The following TLK2 variants were observed in gnomAD, a reference collection of about 807,000 sequenced individuals.
TLK2 encodes the protein serine/threonine-protein kinase tousled-like 2.
Under a neutral mutation model 117.3 loss-of-function variants are expected in TLK2, and 6 were observed. The ratio of observed to expected loss-of-function variants is 0.05; its 90% CI spans 0.03 to 0.10. The LOEUF (loss-of-function observed/expected upper bound fraction) is 0.10. Among genes scored for constraint, TLK2 ranks in the 10% least tolerant of loss-of-function variants. TLK2 has a pLI of 1.00. For synonymous variants in TLK2, 257 were observed against 316.7 expected, an observed-to-expected ratio of 0.81 and a Z score of 2.00; for missense variants, 299 against 901.2, an observed-to-expected ratio of 0.33 and a Z score of 8.56.
At chr17:62,474,314 G>A (rs568794578), upstream of TLK2, among the ~76,000 whole-genome samples, 20 of 151,976 alleles carry the variant, frequency 1.3e-4, no homozygotes, top group African/African-American at 4.8e-4. Context: ...TCCTGACCTC[G>A]TGATTCACCC....
chr17:62,607,877 C>G lies in TLK2; in HGVS notation c.1972-164C>G, dbSNP rs1417846687. ...TACATATGCTCTGAGCTCTCAACCC[C>G]TTTTATCTATAAAGTGAGAGAACTA... is the stretch of plus-strand genomic sequence containing the variant. On this transcript the variant is annotated intron_variant, in intron 20 of 21. Transcript: ENST00000346027. Among the ~76,000 whole-genome samples the G allele has an allele frequency of 2.0e-5, 3 of 152,164 alleles. No homozygotes were observed. In the East Asian group the frequency reaches 5.8e-4, roughly 29 times the overall value.
At chr17:62,542,229 G>A (rs1164484273) in intron 7 of TLK2, among the ~76,000 whole-genome samples, 1 of 152,182 alleles carries the variant, frequency 6.6e-6, no homozygotes, top group Non-Finnish European at 1.5e-5. Flanking sequence ...AACAGTTTGT[G>A]TTTTGGATTT....
At chr17:62,472,852 A>G (rs1035265062) in intron 1 of TLK2, among the ~76,000 whole-genome samples, 2 of 152,142 alleles carry the variant, frequency 1.3e-5, no homozygotes, top group African/African-American at 4.8e-5. Flanking sequence ...ATCAGGACCA[A>G]TTGATTTTGC....
chr17:62,538,436 C>G (rs1427610760), intron 7 of TLK2, among the ~76,000 whole-genome samples: 1 of 152,140 alleles, frequency 6.6e-6, no homozygotes, highest in East Asian at 1.9e-4. Flanking sequence ...AAAATGACCT[C>G]TTTTTCACTT....
At chr17:62,497,466 C>A (rs924958951) in intron 2 of TLK2, among the ~76,000 whole-genome samples, 3 of 152,302 alleles carry the variant, frequency 2.0e-5, no homozygotes, top group Admixed American at 6.5e-5. Context: ...TGGACTAAAT[C>A]TAATTCCCAA....
chr17:62,590,989 T>C lies in TLK2; in HGVS notation c.1460+4763T>C, dbSNP rs1221594741. On this transcript the variant is annotated intron_variant, in intron 16 of 21. Coordinates refer to ENST00000346027, the MANE Select transcript of TLK2 (RefSeq NM_006852.6). ...AATCTGGGCAGGGCGTAGTGGTCCA[T>C]ACCTGTGATCCCAGCACTTTGGGAG... 2.0e-5 allele frequency among the ~76,000 whole-genome samples: 3 copies of C among 152,198 alleles called. No homozygotes were observed. In the East Asian group the frequency reaches 5.8e-4, roughly 29 times the overall value.
Position 62,608,164 on chromosome 17 carries a change from C to T in TLK2, c.2079+16C>T. ...TGAAGCAAAGGTAAGTTTTGTTTGA[C>T]CCATTGGCCAACAGAAACGGCTGCT... is the stretch of plus-strand genomic sequence containing the variant. On this transcript the variant is annotated intron_variant, in intron 21 of 21. Coordinates refer to ENST00000346027, the MANE Select transcript of TLK2 (RefSeq NM_006852.6). 1 of 1,602,592 alleles carries T rather than the reference C, an allele frequency of 6.2e-7. No individual in the cohort carries two copies. Among genetic ancestry groups the T allele is most frequent in the Non-Finnish European group, 8.5e-7 (1 of 1,173,932 alleles).
intron 16 of TLK2, among the ~76,000 whole-genome samples, chr17:62,595,678 A>G (rs1319120138): frequency 6.6e-6 from 1 of 151,746 alleles, no homozygotes; most frequent in African/African-American, 2.4e-5. Context: ...GGATGACTGT[A>G]TCAAATTCGC....
chr17:62,534,752 A>G (rs1405790280), intron 6 of TLK2, among the ~76,000 whole-genome samples: 1 of 151,898 alleles, frequency 6.6e-6, no homozygotes, highest in Non-Finnish European at 1.5e-5. Flanking sequence ...GTTTAATATG[A>G]GAATGTGTTA....
intron 15 of TLK2, among the ~76,000 whole-genome samples, chr17:62,581,776 A>G (rs935126276): frequency 6.6e-6 from 1 of 152,116 alleles, no homozygotes; most frequent in Non-Finnish European, 1.5e-5. Flanking sequence ...TGTGTTTATA[A>G]GTAGGATTGG....
chr17:62,601,058 G>A (rs1272565740), intron 18 of TLK2, among the ~76,000 whole-genome samples: 1 of 152,148 alleles, frequency 6.6e-6, no homozygotes, highest in Non-Finnish European at 1.5e-5. Flanking sequence ...AGCCAGGGCA[G>A]TTCATGATGT....
chr17:62,592,201 T>C (rs2082133999), intron 16 of TLK2, among the ~76,000 whole-genome samples: 1 of 152,032 alleles, frequency 6.6e-6, no homozygotes, highest in South Asian at 2.1e-4. Flanking sequence ...TCAGGTGATC[T>C]GCCCACCTCA....
At chr17:62,471,073 G>A (rs2070932180) in exon 1 of TLK2, 1 of 152,282 alleles carries the variant, frequency 6.6e-6, no homozygotes, top group East Asian at 1.9e-4. Context: ...ATGACAGCCT[G>A]TGGAGGTTGG....
chr17:62,567,957 T>C (rs777308422), intron 11 of TLK2, among the ~76,000 whole-genome samples: 20 of 152,210 alleles, frequency 1.3e-4, no homozygotes, highest in Non-Finnish European at 1.8e-4. Flanking sequence ...CTTTCCACAG[T>C]ATGTTTGAAT....
intron 21 of TLK2, among the ~76,000 whole-genome samples, chr17:62,610,452 CA>C (rs1343179515): frequency 6.6e-6 from 1 of 152,058 alleles, no homozygotes; most frequent in African/African-American, 2.4e-5. Context: ...AACAATAAAA[CA>C]AAAAGTGGAT....
chr17:62,516,788 G>C, intron 2 of TLK2: 1 of 1,441,598 alleles, frequency 6.9e-7, no homozygotes, highest in Admixed American at 1.9e-5. Flanking sequence ...GCAGGGTCCG[G>C]GGCCGGGGCT....
intron 1 of TLK2, among the ~76,000 whole-genome samples, chr17:62,480,646 G>T (rs1443852077): frequency 1.3e-5 from 2 of 152,140 alleles, no homozygotes; most frequent in Admixed American, 6.6e-5. Flanking sequence ...GTTATTTGTA[G>T]CTTCTGATTC....
intron 2 of TLK2, among the ~76,000 whole-genome samples, chr17:62,498,039 A>T (rs1028359651): frequency 6.6e-6 from 1 of 152,192 alleles, no homozygotes; most frequent in Non-Finnish European, 1.5e-5. Flanking sequence ...AAAATAATTC[A>T]GAAACCCTCA....
intron 6 of TLK2, among the ~76,000 whole-genome samples, chr17:62,529,465 C>A (rs1212232701): frequency 6.6e-6 from 1 of 152,176 alleles, no homozygotes; most frequent in East Asian, 1.9e-4. Context: ...AACTCCTGGT[C>A]TCAAGTGATC....
Sources: gnomAD v4.1 joint callset for allele counts (sites outside exome capture counted in the v4.1 genomes callset) on GRCh38, gnomAD v4.1.1 for gene constraint, MANE v1.5 for transcripts, NCBI Gene and HGNC (gene_info 2026-07-23, HGNC 2026-07-21) for gene names.